BIRC6: variants seen among roughly 807,000 people sequenced by gnomAD.
BIRC6 encodes the protein baculoviral IAP repeat containing 6, also known as dual E2 ubiquitin-conjugating enzyme/E3 ubiquitin-protein ligase BIRC6.
Under a neutral mutation model 503.3 loss-of-function variants are expected in BIRC6, and 98 were observed. The observed-to-expected ratio is 0.19, with a 90% CI of 0.17 to 0.23. The LOEUF (loss-of-function observed/expected upper bound fraction) is 0.23, where lower values mean the gene tolerates loss of function less well. Ranked by LOEUF, BIRC6 falls within the 10% of genes least tolerant of loss-of-function variation. The pLI is 1.00. For missense variants in BIRC6, 5,360 were observed against 5,806.0 expected (o/e 0.92, Z 2.50); for synonymous variants, 2,240 against 2,078.7 (o/e 1.08, Z -2.11).
intron 65 of BIRC6, among the ~76,000 whole-genome samples, chr2:32,573,455 C>A (rs1322689384): frequency 6.6e-6 from 1 of 152,150 alleles, no homozygotes; most frequent in African/African-American, 2.4e-5. Context: ...CTCAGCCTCT[C>A]AAAGTGGTGA....
chr2:32,414,890 G>C lies in BIRC6; in HGVS notation c.1599G>C (p.Lys533Asn), dbSNP rs1450684569. Residue 533 changes from lysine to asparagine, a missense_variant, in exon 10 of 74, where the codon AAG (lysine) becomes AAC (asparagine). Lys to Asn is a moderately conservative substitution (Grantham distance 94). This residue lies in a region of BIRC6 where 700 missense variants were observed against 739.3 expected (regional missense o/e 0.95). Transcript: ENST00000421745. ...CAAATGTGCTTGAAGATACTGTTAAGGATCTTGAAGAACTTGGGGCAAATC... is the reference window on the plus strand; with the variant it reads ...CAAATGTGCTTGAAGATACTGTTAACGATCTTGAAGAACTTGGGGCAAATC... The part of the protein sequence containing the change: ...IVANVLEDTV[K>N]DLEELGANPC... The C allele has an allele frequency of 1.2e-6, 2 of 1,613,942 alleles. No homozygotes were observed. Among genetic ancestry groups the C allele is most frequent in the South Asian group, 2.2e-5 (2 of 91,072 alleles).
chr2:32,592,109 G>T (rs546080249), intron 66 of BIRC6, among the ~76,000 whole-genome samples: 13 of 152,282 alleles, frequency 8.5e-5, no homozygotes, highest in African/African-American at 3.1e-4. Flanking sequence ...GTCTTCAGAC[G>T]TACACTATAC....
intron 73 of BIRC6, among the ~76,000 whole-genome samples, chr2:32,616,317 G>A (rs2063234213): frequency 6.6e-6 from 1 of 151,982 alleles, no homozygotes; most frequent in Non-Finnish European, 1.5e-5. Flanking sequence ...CAGCACTTTG[G>A]GAGTCCAAGG....
chr2:32,515,193 C>G lies in BIRC6; in HGVS notation c.10772C>G (p.Ser3591Cys), dbSNP rs780342557. Reference sequence around the variant, plus strand: ...AGCAAAAAGCAGGATCTTAGTTCATCTTTAACAGATGACTCTAAAAATGCA... The same window carrying G: ...AGCAAAAAGCAGGATCTTAGTTCATGTTTAACAGATGACTCTAAAAATGCA... ...DDSKKQDLSS[S>C]LTDDSKNAQA... Residue 3591 changes from serine (S) to cysteine (C), a missense_variant, in exon 55 of 74, where the codon TCT (serine) becomes TGT (cysteine). Physicochemically the swap from Ser to Cys is moderately radical, Grantham distance 112. Transcript: ENST00000421745. The G allele has an allele frequency of 6.2e-7, 1 of 1,613,802 alleles. No homozygotes were observed. The highest frequency in any genetic ancestry group is 8.5e-7 in the Non-Finnish European group (1 of 1,179,872).
Position 32,528,711 on chromosome 2 carries a change from T to A in BIRC6, c.11921-940T>A, listed in dbSNP as rs2056487005. The stretch of plus-strand genomic sequence containing the variant: ...TAGCATGTAGATTAAGAGTCAGGAA[T>A]GATGACTCTTGTTGACATGGGTGGC... On this transcript the variant is annotated intron_variant, in intron 59 of 73. Coordinates refer to ENST00000421745, the MANE Select transcript of BIRC6 (RefSeq NM_016252.4). 6 of 152,350 alleles carry A rather than the reference T, an allele frequency of 3.9e-5. No individual in the cohort carries two copies. The South Asian group carries it at 1.2e-3, about 32-fold the overall frequency. 9.4% of individuals were successfully genotyped at this position (152,350 alleles called of 1,614,324 possible). A position where few individuals can be genotyped will look rare whatever the true frequency, so the allele number is the denominator to read the frequency against.
At chr2:32,555,328 T>G (rs2058697484) in intron 65 of BIRC6, among the ~76,000 whole-genome samples, 1 of 152,106 alleles carries the variant, frequency 6.6e-6, no homozygotes, top group Non-Finnish European at 1.5e-5. Flanking sequence ...GGCAACACAG[T>G]GAGACTTCAT....
rs752554992 is a variant in BIRC6, at chr2:32,414,930, T to C, written c.1639T>C (p.Ser547Pro). ...ELGANPCLTN[S>P]KSEKTKEKHQ... is the part of the protein sequence containing the mutation. ...TGGGGCAAATCCTTGTTTAACAAAC[T>C]CTAAGAGTGAAAAGACAAAGGAAAA... is the stretch of plus-strand genomic sequence containing the variant. The change falls in exon 10 of 74, where the codon TCT becomes CCT. Residue 547 changes from serine to proline, a missense_variant. Ser to Pro is a moderately conservative substitution (Grantham distance 74, BLOSUM62 -1). This residue lies in a region of BIRC6 where 700 missense variants were observed against 739.3 expected (regional missense o/e 0.95). Transcript: ENST00000421745. The C allele has an allele frequency of 2.5e-6, 4 of 1,613,962 alleles. No individual in the cohort carries two copies. In the South Asian group the frequency reaches 3.3e-5, roughly 13 times the overall value.
intron 73 of BIRC6, among the ~76,000 whole-genome samples, chr2:32,617,279 T>C (rs2063308653): frequency 6.6e-6 from 1 of 152,112 alleles, no homozygotes; most frequent in African/African-American, 2.4e-5. Flanking sequence ...CGCCCACCTG[T>C]ACTCCCAGCT....
At chr2:32,470,879 A>C (rs942680639) in intron 31 of BIRC6, 135 bp from the exon 32 acceptor site, 35 of 863,698 alleles carry the variant, frequency 4.1e-5, no homozygotes, top group Admixed American at 2.7e-4. Flanking sequence ...GACTTATTAC[A>C]TATAAATATT....
chr2:32,461,416 A>C (rs2148827236), intron 23 of BIRC6, among the ~76,000 whole-genome samples: 1 of 148,410 alleles, frequency 6.7e-6, no homozygotes, highest in Middle Eastern at 3.5e-3. Flanking sequence ...ATGTTGACCA[A>C]GCTGGTCTTG....
At chr2:32,401,134 A>T in intron 6 of BIRC6, 29 bp from the exon 7 acceptor site, 1 of 1,579,710 alleles carries the variant, frequency 6.3e-7, no homozygotes. Flanking sequence ...TATTTTTAGT[A>T]AACTTTTCCT....
chr2:32,525,164 T>C, intron 58 of BIRC6, 145 bp downstream of exon 58: 1 of 804,032 alleles, frequency 1.2e-6, no homozygotes, highest in South Asian at 2.8e-5. Context: ...TTTTTATCTT[T>C]TTATTTTTAT....
At chr2:32,525,142 T>G in intron 58 of BIRC6, 123 bp downstream of exon 58, 1 of 869,364 alleles carries the variant, frequency 1.2e-6, no homozygotes, top group East Asian at 3.1e-5. Context: ...GTAATGATGT[T>G]TTAATACTAG....
At chr2:32,521,522 G>A (rs1398971413) in intron 57 of BIRC6, among the ~76,000 whole-genome samples, 2 of 151,570 alleles carry the variant, frequency 1.3e-5, no homozygotes, top group Non-Finnish European at 2.9e-5. Flanking sequence ...CCCAGGCTGT[G>A]CAGTGGCGCG....
chr2:32,600,731 A>T (rs1400773170), intron 70 of BIRC6, among the ~76,000 whole-genome samples: 1 of 152,222 alleles, frequency 6.6e-6, no homozygotes, highest in Non-Finnish European at 1.5e-5. Flanking sequence ...TCTTAAATTA[A>T]TGGTCTTTTA....
intron 53 of BIRC6, among the ~76,000 whole-genome samples, chr2:32,511,921 G>C (rs1290857838): frequency 6.6e-6 from 1 of 152,058 alleles, no homozygotes; most frequent in Non-Finnish European, 1.5e-5. Flanking sequence ...GTTAGTAGTG[G>C]TTAAAATATA....
intron 16 of BIRC6, among the ~76,000 whole-genome samples, chr2:32,440,613 TAATCTTCATTATA>T (rs2045311500): frequency 6.6e-6 from 1 of 152,164 alleles, no homozygotes; most frequent in Admixed American, 6.5e-5. Context: ...TTATCTGATG[TAATCTTCATTATA>T]ACTCTGAAGT....
At chr2:32,368,982 A>G (rs188636596) in intron 1 of BIRC6, among the ~76,000 whole-genome samples, 232 of 152,290 alleles carry the variant, frequency 1.5e-3, no homozygotes, top group African/African-American at 5.4e-3. Flanking sequence ...ATACTATAGT[A>G]ATTAATGCCA....
At chr2:32,374,271 A>G (rs2036401294) in intron 1 of BIRC6, among the ~76,000 whole-genome samples, 1 of 152,080 alleles carries the variant, frequency 6.6e-6, no homozygotes, top group Admixed American at 6.6e-5. Flanking sequence ...ATTTTGTTCC[A>G]TTGAGCTATA....
Sources: gnomAD v4.1 joint callset for allele counts (sites outside exome capture counted in the v4.1 genomes callset) on GRCh38, gnomAD v4.1.1 for gene constraint, gnomAD v4.1.1 regional missense constraint, MANE v1.5 for transcripts, NCBI Gene and HGNC (gene_info 2026-07-23, HGNC 2026-07-21) for gene names.